The following HOXB4 variants were observed in gnomAD, a reference collection of about 807,000 sequenced individuals.
HOXB4 encodes homeobox B4, also known as homeobox protein Hox-B4.
In HOXB4, 13 loss-of-function variants were observed where a neutral mutation model predicts 20.0. The observed-to-expected ratio is 0.65, with a 90% confidence interval of 0.42 to 1.03. HOXB4 has a LOEUF of 1.03. Among genes scored for constraint, HOXB4 ranks in the 50% least tolerant of loss-of-function variants. The pLI is 0.00. For missense variants in HOXB4, 343 were observed against 357.1 expected, an observed-to-expected ratio of 0.96 and a Z score of 0.32; for synonymous variants, 173 against 148.9, an observed-to-expected ratio of 1.16 and a Z score of -1.18.
In HOXB4 at chr17:48,576,773, G is replaced by A. The variant is rs1244021974; in HGVS notation, c.705C>T (p.Gly235=). The A allele has an allele frequency of 4.3e-6, 7 of 1,614,012 alleles. No homozygotes were observed. The highest frequency in any genetic ancestry group is 5.1e-6 in the Non-Finnish European group (6 of 1,179,954). Residue 235 remains glycine (G), a synonymous_variant, in exon 2 of 2, where the codon GGC becomes GGT. Coordinates refer to ENST00000332503, the MANE Select transcript of HOXB4 (RefSeq NM_024015.5). The part of the protein sequence containing the change: ...NTKIRSGGAA[G]SAGGPPGRPN... ...GCCGGCCAGGGGGCCCTCCGGCTGA[G>A]CCTGCCGCACCACCCGAGCGGATCT...
Position 48,578,185 on chromosome 17 carries a change from C to T in HOXB4, c.135G>A (p.Glu45=), listed in dbSNP as rs2069833871. The T allele has an allele frequency of 6.2e-7, 1 of 1,612,430 alleles. No individual in the cohort carries two copies. Among genetic ancestry groups the T allele is most frequent in the African/African-American group, 1.3e-5 (1 of 74,890 alleles). The change falls in exon 1 of 2, where the codon GAG becomes GAA. Residue 45 remains glutamate, a synonymous_variant. Transcript: ENST00000332503. ...AGCCCGCCTCCGGCTGGAAGCTGCT[C>T]TCTCGCCTCTGGCCGCCGGCGTAGT... ...PGYYAGGQRR[E]SSFQPEAGFG...
chr17:48,577,516 T>G (rs986836383), intron 1 of HOXB4, among the ~76,000 whole-genome samples: 1 of 152,206 alleles, frequency 6.6e-6, no homozygotes, highest in Non-Finnish European at 1.5e-5. Flanking sequence ...ACTCTCTGCT[T>G]AAATACGGAT....
Position 48,576,098 on chromosome 17 carries a change from G to A in HOXB4, c.*624C>T, listed in dbSNP as rs1363518298. ...TGGCCCTCAGTGAATGGGCACGAAA[G>A]ATGAGGGAGAGTGTGTGTGTGTTAC... On this transcript the variant is annotated 3_prime_UTR_variant, in exon 2 of 2. Transcript: ENST00000332503. 1 of 152,656 alleles carries A rather than the reference G, an allele frequency of 6.6e-6. No homozygotes were observed. Among genetic ancestry groups the A allele is most frequent in the African/African-American group, 2.4e-5 (1 of 41,472 alleles). 9.5% of individuals were successfully genotyped at this position (152,656 alleles called of 1,614,324 possible).
At position 48,576,652 on chromosome 17, in the gene HOXB4, C is replaced by CCCCCCCCCCCT; in HGVS notation, c.*69_*70insAGGGGGGGGGG. ...CCAGGCCCCAGGGCCCCCTCCTGTCCCCCCACCCCATCCCCTGCACTCACT... is the reference window on the plus strand; with the variant it reads ...CCAGGCCCCAGGGCCCCCTCCTGTCCCCCCCCCCCCTCCCCACCCCATCCCCTGCACTCACT... On this transcript the variant is annotated 3_prime_UTR_variant, in exon 2 of 2. Coordinates refer to ENST00000332503, the MANE Select transcript of HOXB4 (RefSeq NM_024015.5). 2 of 576,244 alleles carry CCCCCCCCCCCT rather than the reference C, an allele frequency of 3.5e-6. No individual in the cohort carries two copies. The highest frequency in any genetic ancestry group is 5.0e-5 in the East Asian group (1 of 20,020). 35.7% of individuals were successfully genotyped at this position (576,244 alleles called of 1,614,324 possible).
In HOXB4 at chr17:48,577,884, G is replaced by T; in HGVS notation, c.436C>A (p.Arg146Ser). ...CKEPVVYPWM[R>S]KVHVSTVNPN... ...TCACCCGTGCTCACGTGAACTTTGC[G>T]CATCCAGGGGTAGACGACGGGCTCT... The change falls in exon 1 of 2, where the codon CGC becomes AGC. Residue 146 changes from arginine to serine, a missense_variant. This residue lies in a region of HOXB4 where 241 missense variants were observed against 222.0 expected (regional missense o/e 1.09). Coordinates refer to ENST00000332503, the MANE Select transcript of HOXB4 (RefSeq NM_024015.5). 1 of 1,391,824 alleles carries T rather than the reference G, an allele frequency of 7.2e-7. No individual in the cohort carries two copies. Among genetic ancestry groups the T allele is most frequent in the East Asian group, 2.8e-5 (1 of 36,212 alleles). 86.2% of individuals were successfully genotyped at this position (1,391,824 alleles called of 1,614,324 possible).
chr17:48,577,882 G>T lies in HOXB4; in HGVS notation c.438C>A (p.Arg146=). ...CKEPVVYPWM[R]KVHVSTVNPN... ...ACTCACCCGTGCTCACGTGAACTTT[G>T]CGCATCCAGGGGTAGACGACGGGCT... Residue 146 remains arginine (R), a synonymous_variant, in exon 1 of 2, where the codon CGC becomes CGA. Coordinates refer to ENST00000332503, the MANE Select transcript of HOXB4 (RefSeq NM_024015.5). 1 of 1,394,370 alleles carries T rather than the reference G, an allele frequency of 7.2e-7. No homozygotes were observed. 86.4% of individuals were successfully genotyped at this position (1,394,370 alleles called of 1,614,324 possible). A position where few individuals can be genotyped will look rare whatever the true frequency, so the allele number is the denominator to read the frequency against.
In HOXB4 at chr17:48,577,878, C is replaced by G; in HGVS notation, c.442G>C (p.Val148Leu). Residue 148 changes from valine to leucine, a missense_variant, in exon 1 of 2, where the codon GTT (valine) becomes CTT (leucine). Transcript: ENST00000332503. Reference protein sequence around the residue: ...EPVVYPWMRKVHVSTVNPNYA... With the variant: ...EPVVYPWMRKLHVSTVNPNYA... ...ACGCACTCACCCGTGCTCACGTGAA[C>G]TTTGCGCATCCAGGGGTAGACGACG... 2 of 1,396,956 alleles carry G rather than the reference C, an allele frequency of 1.4e-6. No individual in the cohort carries two copies. Among genetic ancestry groups the G allele is most frequent in the Non-Finnish European group, 1.9e-6 (2 of 1,070,302 alleles). The allele number at this position is 1,396,956 out of a possible 1,614,324, so 86.5% of individuals were successfully genotyped here.
chr17:48,578,005 C>A lies in HOXB4; in HGVS notation c.315G>T (p.Glu105Asp). 7.8e-7 allele frequency: 1 copy of A among 1,280,836 alleles called. No individual in the cohort carries two copies. Among genetic ancestry groups the A allele is most frequent in the Non-Finnish European group, 9.9e-7 (1 of 1,010,912 alleles). The allele number at this position is 1,280,836 out of a possible 1,614,324, so 79.3% of individuals were successfully genotyped here. The stretch of plus-strand genomic sequence containing the variant: ...TGACCGCCTCGCAGCGCTGGCCGGG[C>A]TCCGGGAGGAGGGCCCCGGCGGGTG... ...APPPAGALLP[E>D]PGQRCEAVSS... Residue 105 changes from glutamate to aspartate, a missense_variant, in exon 1 of 2, where the codon GAG becomes GAT. Glu to Asp is a conservative substitution (Grantham distance 45). Transcript: ENST00000332503.
Position 48,576,568 on chromosome 17 carries a change from C to A in HOXB4, c.*154G>T. 2 of 578,438 alleles carry A rather than the reference C, an allele frequency of 3.5e-6. No individual in the cohort carries two copies. The highest frequency in any genetic ancestry group is 5.6e-6 in the Non-Finnish European group (2 of 356,848). The allele number at this position is 578,438 out of a possible 1,614,324, so 35.8% of individuals were successfully genotyped here. The stretch of plus-strand genomic sequence containing the variant: ...TCTATAAATAAAGCTTCCCCTCCCC[C>A]TCTTCTGCGTTTATTCGTATATAAA... On this transcript the variant is annotated 3_prime_UTR_variant, in exon 2 of 2. Coordinates refer to ENST00000332503, the MANE Select transcript of HOXB4 (RefSeq NM_024015.5).
At position 48,576,645 on chromosome 17, in the gene HOXB4, T is replaced by TGCCCCCCC; in HGVS notation, c.*76_*77insGGGGGGGC. 3.6e-6 allele frequency: 2 copies of TGCCCCCCC among 559,070 alleles called. No homozygotes were observed. The highest frequency in any genetic ancestry group is 4.9e-6 in the Non-Finnish European group (2 of 405,310). 34.6% of individuals were successfully genotyped at this position (559,070 alleles called of 1,614,324 possible). A position where few individuals can be genotyped will look rare whatever the true frequency, so the allele number is the denominator to read the frequency against. On this transcript the variant is annotated 3_prime_UTR_variant, in exon 2 of 2. Transcript: ENST00000332503. ...CCGGGGCCCAGGCCCCAGGGCCCCC[T>TGCCCCCCC]CCTGTCCCCCCACCCCATCCCCTGC...
At position 48,576,499 on chromosome 17, in the gene HOXB4, A is replaced by G. The variant is rs994212560; in HGVS notation, c.*223T>C. ...TTAAGAAAGAAAGCAAGAGATTTGA[A>G]TCTTGCTTCTGGGGGGGCCTCCCCG... is the stretch of plus-strand genomic sequence containing the variant. On this transcript the variant is annotated 3_prime_UTR_variant, in exon 2 of 2. Transcript: ENST00000332503. The G allele has an allele frequency of 7.9e-6, 3 of 379,714 alleles. No individual in the cohort carries two copies. The highest frequency in any genetic ancestry group is 6.2e-5 in the African/African-American group (3 of 48,020). 23.5% of individuals were successfully genotyped at this position (379,714 alleles called of 1,614,324 possible).
Position 48,576,747 on chromosome 17 carries a change from G to T in HOXB4, c.731C>A (p.Pro244His). 1.2e-6 allele frequency: 2 copies of T among 1,612,566 alleles called. No homozygotes were observed. The highest frequency in any genetic ancestry group is 1.7e-6 in the Non-Finnish European group (2 of 1,179,290). ...AGSAGGPPGR[P>H]NGGPRAL ...CTAGAGCGCGCGGGGGCCTCCATTG[G>T]GCCGGCCAGGGGGCCCTCCGGCTGA... The change falls in exon 2 of 2, where the codon CCC (proline) becomes CAC (histidine). Residue 244 changes from proline (P) to histidine (H), a missense_variant. By Grantham distance (77) the Pro-to-His change is moderately conservative. This residue lies in a region of HOXB4 where 48 missense variants were observed against 44.8 expected (regional missense o/e 1.07). Coordinates refer to ENST00000332503, the MANE Select transcript of HOXB4 (RefSeq NM_024015.5).
Position 48,576,986 on chromosome 17 carries a change from G to A in HOXB4, c.492C>T (p.Arg164=). 6.2e-7 allele frequency: 1 copy of A among 1,608,858 alleles called. No individual in the cohort carries two copies. Among genetic ancestry groups the A allele is most frequent in the Non-Finnish European group, 8.5e-7 (1 of 1,176,284 alleles). Residue 164 remains arginine (R), a synonymous_variant, in exon 2 of 2, where the codon CGC becomes CGT. Transcript: ENST00000332503. ...NPNYAGGEPK[R]SRTAYTRQQV... is the part of the protein sequence containing the mutation. ...GCTGGCGCGTGTAGGCGGTCCGAGA[G>A]CGCTTGGGCTCCCCGCCGGCGTAAT...
chr17:48,577,906 C>T lies in HOXB4; in HGVS notation c.414G>A (p.Glu138=), dbSNP rs150391451. 8.2e-4 allele frequency: 1,128 copies of T among 1,376,912 alleles called. 2 individuals are homozygous for T. The highest frequency in any genetic ancestry group is 4.4e-3 in the Admixed American group (147 of 33,704). The allele number at this position is 1,376,912 out of a possible 1,614,324, so 85.3% of individuals were successfully genotyped here. A position where few individuals can be genotyped will look rare whatever the true frequency, so the allele number is the denominator to read the frequency against. ...HPSPSHSACK[E]PVVYPWMRKV... is the part of the protein sequence containing the mutation. ...TGCGCATCCAGGGGTAGACGACGGG[C>T]TCTTTGCACGCGGAGTGGGACGGGC... Residue 138 remains glutamate, a synonymous_variant, in exon 1 of 2, where the codon GAG becomes GAA. Coordinates refer to ENST00000332503, the MANE Select transcript of HOXB4 (RefSeq NM_024015.5).
chr17:48,577,906 C>A lies in HOXB4; in HGVS notation c.414G>T (p.Glu138Asp). 7.3e-7 allele frequency: 1 copy of A among 1,376,914 alleles called. No individual in the cohort carries two copies. The allele number at this position is 1,376,914 out of a possible 1,614,324, so 85.3% of individuals were successfully genotyped here. A position where few individuals can be genotyped will look rare whatever the true frequency, so the allele number is the denominator to read the frequency against. ...HPSPSHSACK[E>D]PVVYPWMRKV... is the part of the protein sequence containing the mutation. ...TGCGCATCCAGGGGTAGACGACGGG[C>A]TCTTTGCACGCGGAGTGGGACGGGC... is the stretch of plus-strand genomic sequence containing the variant. Residue 138 changes from glutamate to aspartate, a missense_variant, in exon 1 of 2, where the codon GAG (glutamate) becomes GAT (aspartate). Glu to Asp is a conservative substitution (Grantham distance 45). This residue lies in a region of HOXB4 where 241 missense variants were observed against 222.0 expected (regional missense o/e 1.09). Coordinates refer to ENST00000332503, the MANE Select transcript of HOXB4 (RefSeq NM_024015.5).
At position 48,578,131 on chromosome 17, in the gene HOXB4, C is replaced by T; in HGVS notation, c.189G>A (p.Gln63=). Residue 63 remains glutamine, a synonymous_variant, in exon 1 of 2, where the codon CAG becomes CAA. Coordinates refer to ENST00000332503, the MANE Select transcript of HOXB4 (RefSeq NM_024015.5). ...GFGRRAACTV[Q]RYAACRDPGP... is the part of the protein sequence containing the mutation. The stretch of plus-strand genomic sequence containing the variant: ...CAGGGTCCCGGCAGGCCGCGTAGCG[C>T]TGCACGGTGCACGCCGCGCGCCGCC... 4 of 1,535,722 alleles carry T rather than the reference C, an allele frequency of 2.6e-6. No homozygotes were observed. The highest frequency in any genetic ancestry group is 3.5e-6 in the Non-Finnish European group (4 of 1,128,024).
rs752099638 is a variant in HOXB4, at chr17:48,576,819, TC to T, written c.658del (p.Asp220ThrfsTer49). On this transcript the variant is annotated frameshift_variant, in exon 2 of 2. Transcript: ENST00000332503. LOFTEE classifies it high-confidence loss of function. ...FQNRRMKWKK[D>X]HKLPNTKIRS... ...GATCTTGGTGTTGGGCAACTTGTGG[TC>T]TTTTTTCCACTTCATGCGCCGGTTC... 1.9e-6 allele frequency: 3 copies of T among 1,614,102 alleles called. No individual in the cohort carries two copies. In the African/African-American group the frequency reaches 4.0e-5, roughly 22 times the overall value.
Position 48,576,632 on chromosome 17 carries a change from C to T in HOXB4, c.*90G>A, listed in dbSNP as rs1387627773. 2 of 1,189,478 alleles carry T rather than the reference C, an allele frequency of 1.7e-6. No individual in the cohort carries two copies. The highest frequency in any genetic ancestry group is 2.9e-5 in the Admixed American group (1 of 34,210). The allele number at this position is 1,189,478 out of a possible 1,614,324, so 73.7% of individuals were successfully genotyped here. On this transcript the variant is annotated 3_prime_UTR_variant, in exon 2 of 2. Transcript: ENST00000332503. ...CAGATAGATTTTTCCGGGGCCCAGG[C>T]CCCAGGGCCCCCTCCTGTCCCCCCA...
At position 48,577,912 on chromosome 17, in the gene HOXB4, G is replaced by A; in HGVS notation, c.408C>T (p.Cys136=). The A allele has an allele frequency of 1.5e-6, 2 of 1,376,706 alleles. No homozygotes were observed. The highest frequency in any genetic ancestry group is 9.4e-7 in the Non-Finnish European group (1 of 1,058,234). 85.3% of individuals were successfully genotyped at this position (1,376,706 alleles called of 1,614,324 possible). A position where few individuals can be genotyped will look rare whatever the true frequency, so the allele number is the denominator to read the frequency against. Residue 136 remains cysteine (C), a synonymous_variant, in exon 1 of 2, where the codon TGC becomes TGT. Transcript: ENST00000332503. ...PLHPSPSHSA[C]KEPVVYPWMR... ...TCCAGGGGTAGACGACGGGCTCTTT[G>A]CACGCGGAGTGGGACGGGCTGGGGT...
Sources: gnomAD v4.1 joint callset for allele counts (sites outside exome capture counted in the v4.1 genomes callset) on GRCh38, gnomAD v4.1.1 for gene constraint, gnomAD v4.1.1 regional missense constraint, MANE v1.5 for transcripts, NCBI Gene and HGNC (gene_info 2026-07-23, HGNC 2026-07-21) for gene names.